Variants in NTRK3 observed in about 807,000 individuals in gnomAD.
NTRK3 encodes the protein neurotrophic receptor tyrosine kinase 3, also known as NT-3 growth factor receptor.
A neutral mutation model predicts 91.7 loss-of-function variants in NTRK3; 24 were observed. The ratio of observed to expected loss-of-function variants is 0.26; its 90% CI spans 0.19 to 0.37. NTRK3 has a LOEUF of 0.37. Ranked by LOEUF, NTRK3 falls within the 10% of genes least tolerant of loss-of-function variation. The pLI, the probability that NTRK3 is intolerant of heterozygous loss-of-function variation, is 1.00. For missense variants in NTRK3, 880 were observed against 1,068.9 expected (o/e 0.82, Z 2.46); for synonymous variants, 483 against 404.0 (o/e 1.20, Z -2.34).
chr15:88,101,532 A>G (rs190842262), intron 13 of NTRK3, among the ~76,000 whole-genome samples: 164 of 152,358 alleles, frequency 1.1e-3, no homozygotes, highest in African/African-American at 3.4e-3. Context: ...TACCCAAAGG[A>G]TTATAAATCA....
intron 14 of NTRK3, among the ~76,000 whole-genome samples, chr15:88,027,984 G>A (rs1002301170): frequency 1.3e-5 from 2 of 152,136 alleles, no homozygotes; most frequent in African/African-American, 4.8e-5. Context: ...CACAAGAAGC[G>A]AGAAATGAAA....
exon 17 of NTRK3, chr15:87,929,333 G>A (rs1471351618): frequency 5.6e-6 from 9 of 1,614,074 alleles, no homozygotes; most frequent in Non-Finnish European, 6.8e-6. Flanking sequence ...CATACCCGAG[G>A]CGATCTGACT....
intron 5 of NTRK3, among the ~76,000 whole-genome samples, chr15:88,151,202 G>A (rs75522731): frequency 1.0e-3 from 154 of 152,220 alleles, no homozygotes; most frequent in African/African-American, 3.6e-3. Flanking sequence ...ATCAAGTTCC[G>A]TGACACTGCC....
chr15:88,053,390 T>G (rs906589604), intron 13 of NTRK3, among the ~76,000 whole-genome samples: 4 of 152,258 alleles, frequency 2.6e-5, no homozygotes, highest in African/African-American at 9.6e-5. Flanking sequence ...ACAGTGGACT[T>G]AAGAGGGTTC....
intron 4 of NTRK3, among the ~76,000 whole-genome samples, chr15:88,183,996 C>G (rs2046744514): frequency 6.6e-6 from 1 of 152,236 alleles, no homozygotes; most frequent in Admixed American, 6.5e-5. Context: ...GGAATTCACA[C>G]AACCCCCTTG....
At chr15:88,251,269 C>T (rs1433391431) in intron 3 of NTRK3, among the ~76,000 whole-genome samples, 1 of 152,200 alleles carries the variant, frequency 6.6e-6, no homozygotes, top group Admixed American at 6.5e-5. Context: ...CACTGCCATC[C>T]CCAGGAGATG....
chr15:88,032,758 A>T, intron 14 of NTRK3, 99 bp downstream of exon 14: 2 of 1,321,912 alleles, frequency 1.5e-6, no homozygotes, highest in South Asian at 2.5e-5. Flanking sequence ...GTTGGCAGGT[A>T]GCAGGTCACC....
intron 13 of NTRK3, among the ~76,000 whole-genome samples, chr15:88,069,659 A>T (rs563939869): frequency 1.3e-5 from 2 of 152,350 alleles, no homozygotes; most frequent in East Asian, 3.9e-4. Context: ...CTGGAGGCAG[A>T]TGGGGCCACG....
chr15:88,031,265 A>G (rs147894874), intron 14 of NTRK3, among the ~76,000 whole-genome samples: 1 of 152,296 alleles, frequency 6.6e-6, no homozygotes, highest in East Asian at 1.9e-4. Context: ...CGGCGACTTC[A>G]CAGAACACAA....
chr15:88,206,544 G>A (rs2048794089), intron 3 of NTRK3, among the ~76,000 whole-genome samples: 1 of 149,936 alleles, frequency 6.7e-6, no homozygotes, highest in African/African-American at 2.5e-5. Context: ...TGTAGTCCCA[G>A]CTACTCAGGA....
chr15:88,112,427 G>C (rs1018973153), intron 13 of NTRK3, among the ~76,000 whole-genome samples: 1 of 152,190 alleles, frequency 6.6e-6, no homozygotes, highest in Non-Finnish European at 1.5e-5. Context: ...GCTGAATTCA[G>C]CCCAGAGGGT....
At position 88,174,113 on chromosome 15, in the gene NTRK3, CAAAT is replaced by C. The variant is rs145184934; in HGVS notation, c.395+9301_395+9304del. Among the ~76,000 whole-genome samples the C allele has an allele frequency of 2.7e-3, 406 of 152,250 alleles. 6 individuals carry two copies. In the East Asian group the frequency reaches 0.032, roughly 12 times the overall value. On this transcript the variant is annotated intron_variant, in intron 5 of 18. Transcript: ENST00000394480. ...TAGAATAAAGTGGGTAAAACTAAAA[CAAAT>C]AGACAACAGATTTCCTCTGGTCCTG...
chr15:87,886,240 G>A (rs1300205547), intron 17 of NTRK3, among the ~76,000 whole-genome samples: 3 of 152,052 alleles, frequency 2.0e-5, no homozygotes, highest in African/African-American at 7.2e-5. Context: ...CTTTTTCTGA[G>A]GGCAGCTTGG....
chr15:88,117,171 G>C (rs1450488296), intron 13 of NTRK3, among the ~76,000 whole-genome samples: 1 of 152,194 alleles, frequency 6.6e-6, no homozygotes, highest in Non-Finnish European at 1.5e-5. Flanking sequence ...CTAAGATTGA[G>C]AACCAACAAT....
intron 3 of NTRK3, among the ~76,000 whole-genome samples, chr15:88,239,086 G>A (rs2052072678): frequency 6.6e-6 from 1 of 152,206 alleles, no homozygotes. Flanking sequence ...TGAGCTCCAG[G>A]AAGTGGAAAG....
In NTRK3 at chr15:87,965,858, A is replaced by G. The variant is rs201012868; in HGVS notation, c.1586-25105T>C. 2.2e-4 allele frequency among the ~76,000 whole-genome samples: 33 copies of G among 152,280 alleles called. 1 individual carries two copies. The East Asian group carries it at 6.2e-3, about 29-fold the overall frequency. ...TTTGGGAGGCCGAGGCAGGTGGATC[A>G]CTTGAGATCAGGAGTTTGAGACCAG... On this transcript the variant is annotated intron_variant, in intron 14 of 18. Coordinates refer to ENST00000394480, the Ensembl canonical transcript of NTRK3.
intron 5 of NTRK3, among the ~76,000 whole-genome samples, chr15:88,156,307 C>T (rs376353360): frequency 6.6e-6 from 1 of 152,204 alleles, no homozygotes; most frequent in African/African-American, 2.4e-5. Flanking sequence ...GACCGTGGCA[C>T]ATGGGAGACC....
chr15:88,021,347 A>G (rs769541598), intron 14 of NTRK3, among the ~76,000 whole-genome samples: 14 of 152,216 alleles, frequency 9.2e-5, no homozygotes, highest in Non-Finnish European at 2.1e-4. Flanking sequence ...GGGAGGCAAC[A>G]ATGGAGCCCC....
At chr15:88,148,580 G>A (rs1228315106) in intron 5 of NTRK3, among the ~76,000 whole-genome samples, 2 of 152,188 alleles carry the variant, frequency 1.3e-5, no homozygotes, top group East Asian at 3.9e-4. Context: ...AGAGGACCAG[G>A]AAGGAAGCCA....
Sources: allele counts gnomAD v4.1 joint callset (sites outside exome capture counted in the v4.1 genomes callset), GRCh38; gene constraint gnomAD v4.1.1; transcripts MANE v1.5; gene names NCBI Gene and HGNC (gene_info 2026-07-23, HGNC 2026-07-21).